The following BRF1 variants were observed in gnomAD, a reference collection of about 807,000 sequenced individuals.
BRF1 encodes transcription factor IIIB 90 kDa subunit.
BRF1 carries 59 observed loss-of-function variants against 81.7 expected under a neutral mutation model. That is an observed-to-expected ratio of 0.72 (90% CI 0.59 to 0.90). BRF1 has a LOEUF of 0.90. BRF1 is among the 40% of genes least tolerant of loss of function. BRF1 has a pLI of 0.00. For missense variants in BRF1, 1,050 were observed against 936.3 expected (o/e 1.12, Z -1.58); for synonymous variants, 491 against 395.6 (o/e 1.24, Z -2.86).
chr14:105,280,988 G>A (rs1337148247), intron 2 of BRF1, among the ~76,000 whole-genome samples: 1 of 148,374 alleles, frequency 6.7e-6, no homozygotes, highest in African/African-American at 2.5e-5. Context: ...GCGTGACCCT[G>A]AGCCCGGGTG....
chr14:105,278,369 C>G (rs906385811), intron 2 of BRF1, among the ~76,000 whole-genome samples: 10 of 150,596 alleles, frequency 6.6e-5, no homozygotes, highest in African/African-American at 2.4e-4. Context: ...AAGGTTGAGG[C>G]TGCAGTGAGC....
intron 1 of BRF1, among the ~76,000 whole-genome samples, chr14:105,291,517 ACAT>A (rs1347914385): frequency 2.6e-5 from 4 of 151,162 alleles, no homozygotes; most frequent in East Asian, 2.0e-4. Context: ...CTCTACTAAA[ACAT>A]ACAAAAAAAA....
Position 105,251,175 on chromosome 14 carries a change from C to T in BRF1, c.544+1332G>A, listed in dbSNP as rs116165823. On this transcript the variant is annotated intron_variant, in intron 5 of 17. Transcript: ENST00000547530. ...GCAACAGAACAGCTCCCTCCCATCCCGAGGAGAAAACCTGTCATGCTGAAC... is the reference window on the plus strand; with the variant it reads ...GCAACAGAACAGCTCCCTCCCATCCTGAGGAGAAAACCTGTCATGCTGAAC... 553 of 159,360 alleles carry T rather than the reference C, an allele frequency of 3.5e-3. 1 individual carries two copies. Among genetic ancestry groups the T allele is most frequent in the African/African-American group, 0.013 (528 of 41,606 alleles). The allele number at this position is 159,360 out of a possible 1,614,324, so 9.9% of individuals were successfully genotyped here. A position where few individuals can be genotyped will look rare whatever the true frequency, so the allele number is the denominator to read the frequency against.
chr14:105,265,054 G>GTTTTTTTTTTTTTTTTTTTTTTT (rs587673120), intron 3 of BRF1, among the ~76,000 whole-genome samples: 2 of 130,110 alleles, frequency 1.5e-5, no homozygotes, highest in Non-Finnish European at 3.3e-5. Context: ...CCTTTTTTTT[G>GTTTTTTTTTTTTTTTTTTTTTTT]TTTTTTTTTT....
At chr14:105,312,335 A>G (rs1391998236) in intron 1 of BRF1, among the ~76,000 whole-genome samples, 2 of 152,342 alleles carry the variant, frequency 1.3e-5, no homozygotes, top group East Asian at 3.9e-4. Context: ...AACTTCTTAA[A>G]TAATAATAAC....
chr14:105,220,211 A>C, intron 11 of BRF1, 81 bp from the exon 12 acceptor site: 1 of 1,541,782 alleles, frequency 6.5e-7, no homozygotes, highest in Non-Finnish European at 8.9e-7. Flanking sequence ...CTGGCTCAGG[A>C]CCCTGGGTCT....
At chr14:105,287,962 C>T (rs1283162128) in intron 1 of BRF1, among the ~76,000 whole-genome samples, 2 of 152,206 alleles carry the variant, frequency 1.3e-5, no homozygotes, top group African/African-American at 2.4e-5. Context: ...GGCCCAGAGC[C>T]GGCCTCCTGG....
chr14:105,259,042 G>A (rs587761823), intron 3 of BRF1, among the ~76,000 whole-genome samples: 44 of 152,328 alleles, frequency 2.9e-4, no homozygotes, highest in African/African-American at 9.9e-4. Context: ...TGATGGAAGC[G>A]TGAAGTGGTA....
chr14:105,243,103 G>A (rs957158194), intron 5 of BRF1, among the ~76,000 whole-genome samples: 1 of 147,328 alleles, frequency 6.8e-6, no homozygotes, highest in Non-Finnish European at 1.5e-5. Flanking sequence ...ATGACAGAGT[G>A]AGACTCTGTC....
chr14:105,288,212 T>C (rs1276043774), intron 1 of BRF1, among the ~76,000 whole-genome samples: 3 of 152,166 alleles, frequency 2.0e-5, no homozygotes, highest in Non-Finnish European at 4.4e-5. Context: ...CCCGGCACTT[T>C]GGGAGGCCGA....
chr14:105,267,131 A>T (rs1006075741), intron 3 of BRF1, among the ~76,000 whole-genome samples: 3 of 152,198 alleles, frequency 2.0e-5, no homozygotes, highest in Non-Finnish European at 4.4e-5. Context: ...CAAAACTCAA[A>T]CAGTAAGATC....
At chr14:105,214,594 C>T (rs763330248) in intron 15 of BRF1, among the ~76,000 whole-genome samples, 1 of 150,904 alleles carries the variant, frequency 6.6e-6, no homozygotes, top group Non-Finnish European at 1.5e-5. Flanking sequence ...TCAGGGGAAG[C>T]ATGCATCATG....
At chr14:105,301,891 C>T (rs1376068863), upstream of BRF1, among the ~76,000 whole-genome samples, 1 of 152,202 alleles carries the variant, frequency 6.6e-6, no homozygotes, top group Non-Finnish European at 1.5e-5. Flanking sequence ...AATCCCAGCA[C>T]TTTGGGAGGC....
chr14:105,249,317 C>T (rs1449792889), intron 5 of BRF1: 5 of 1,593,494 alleles, frequency 3.1e-6, no homozygotes, highest in Non-Finnish European at 4.3e-6. Context: ...TGACACGCAG[C>T]CTGCGGGAGA....
chr14:105,247,402 C>A, intron 5 of BRF1: 2 of 985,452 alleles, frequency 2.0e-6, no homozygotes, highest in Non-Finnish European at 2.4e-6. Context: ...ATGATTTGTG[C>A]ACTCTGGGCC....
chr14:105,286,070 G>C (rs1302454210), intron 2 of BRF1, among the ~76,000 whole-genome samples: 1 of 152,202 alleles, frequency 6.6e-6, no homozygotes, highest in Non-Finnish European at 1.5e-5. Flanking sequence ...GATCCTGTGG[G>C]ATCCACTGGG....
intron 4 of BRF1, chr14:105,256,198 A>C (rs1023891889): frequency 6.5e-7 from 1 of 1,532,076 alleles, no homozygotes; most frequent in Non-Finnish European, 8.7e-7. Flanking sequence ...CTCACAAAAA[A>C]ATTTTTTAAT....
At chr14:105,312,910 T>A (rs1444109284) in intron 1 of BRF1, among the ~76,000 whole-genome samples, 1 of 152,218 alleles carries the variant, frequency 6.6e-6, no homozygotes, top group Non-Finnish European at 1.5e-5. Flanking sequence ...CGGGCCACTC[T>A]GGTACAGACT....
intron 5 of BRF1, among the ~76,000 whole-genome samples, chr14:105,246,140 G>A (rs587616263): frequency 2.0e-5 from 3 of 151,730 alleles, no homozygotes; most frequent in African/African-American, 7.3e-5. Flanking sequence ...CACAAGAATC[G>A]CTTGAACCTG....
Sources: gnomAD v4.1 joint callset for allele counts (sites outside exome capture counted in the v4.1 genomes callset) on GRCh38, gnomAD v4.1.1 for gene constraint, MANE v1.5 for transcripts, NCBI Gene and HGNC (gene_info 2026-07-23, HGNC 2026-07-21) for gene names.